GPR107: variants seen among roughly 807,000 people sequenced by gnomAD.
GPR107 encodes protein GPR107.
A neutral mutation model predicts 75.5 loss-of-function variants in GPR107; 31 were observed. The observed-to-expected ratio is 0.41, with a 90% CI of 0.31 to 0.55. The LOEUF is 0.55. Among genes scored for constraint, GPR107 ranks in the 20% least tolerant of loss-of-function variants. The pLI is 0.26. For missense variants in GPR107, 572 were observed against 665.7 expected, an observed-to-expected ratio of 0.86 and a Z score of 1.55; for synonymous variants, 267 against 251.3, an observed-to-expected ratio of 1.06 and a Z score of -0.59.
Position 130,135,349 on chromosome 9 carries a change from A to T in GPR107, c.*228A>T. The T allele has an allele frequency of 2.2e-4, 76 of 345,578 alleles. No homozygotes were observed. Among genetic ancestry groups the T allele is most frequent in the Middle Eastern group, 8.5e-4 (1 of 1,176 alleles). 21.4% of individuals were successfully genotyped at this position (345,578 alleles called of 1,614,324 possible). ...GGATCCTCTTTCAGGCGGGAATGGG[A>T]GGGCGGGCACAGGGAGGAGGAGAGG... On this transcript the variant is annotated 3_prime_UTR_variant, in exon 18 of 18. Transcript: ENST00000347136.
intron 1 of GPR107, among the ~76,000 whole-genome samples, chr9:130,061,927 A>G (rs961690038): frequency 1.3e-5 from 2 of 151,986 alleles, no homozygotes; most frequent in Non-Finnish European, 2.9e-5. Flanking sequence ...CCTGGGTGAC[A>G]GGGTGAGACT....
chr9:130,115,318 C>A (rs549847564), intron 14 of GPR107, among the ~76,000 whole-genome samples: 8 of 152,080 alleles, frequency 5.3e-5, no homozygotes, highest in Non-Finnish European at 1.0e-4. Context: ...ACACACCAGC[C>A]GCATGATGTG....
chr9:130,109,984 C>T (rs557750752), intron 14 of GPR107, among the ~76,000 whole-genome samples: 57 of 152,290 alleles, frequency 3.7e-4, no homozygotes, highest in African/African-American at 1.4e-3. Context: ...GTAAAAATCC[C>T]AAGGGCGGTG....
At chr9:130,082,383 C>T (rs955456734) in intron 5 of GPR107, among the ~76,000 whole-genome samples, 4 of 152,132 alleles carry the variant, frequency 2.6e-5, no homozygotes, top group South Asian at 2.1e-4. Flanking sequence ...CTCATATCAC[C>T]GTTCTCTGGG....
At chr9:130,121,182 CAAAACAAAACAAAA>C (rs767885971) in intron 14 of GPR107, among the ~76,000 whole-genome samples, 273 of 56,858 alleles carry the variant, frequency 4.8e-3, no homozygotes, top group South Asian at 0.011. Context: ...GACCCTATCT[CAAAACAAAACAAAA>C]CAAAACAAAA....
At chr9:130,087,606 T>C (rs1216365794) in intron 7 of GPR107, among the ~76,000 whole-genome samples, 1 of 151,506 alleles carries the variant, frequency 6.6e-6, no homozygotes, top group Non-Finnish European at 1.5e-5. Context: ...TTCAAGACTA[T>C]CCTGGGAAAT....
Position 130,113,213 on chromosome 9 carries a change from C to T in GPR107, c.1306+5674C>T, listed in dbSNP as rs117565085. 5.6e-4 allele frequency among the ~76,000 whole-genome samples: 84 copies of T among 150,846 alleles called. No homozygotes were observed. The East Asian group carries it at 7.8e-3, about 14-fold the overall frequency. On this transcript the variant is annotated intron_variant, in intron 14 of 17. Coordinates refer to ENST00000347136, the MANE Select transcript of GPR107 (RefSeq NM_020960.5). ...AAAACTTGTGTTTATCCCTGTCAGCCTGACAGTTTCCTAACTGACAGTTTC... is the reference window on the plus strand; with the variant it reads ...AAAACTTGTGTTTATCCCTGTCAGCTTGACAGTTTCCTAACTGACAGTTTC...
rs1554899967 is a variant in GPR107, at chr9:130,136,293, A to C, written c.*1172A>C. On this transcript the variant is annotated 3_prime_UTR_variant, in exon 18 of 18. Transcript: ENST00000347136. ...TTCCACACTTCCAGAGCTTGAATGA[A>C]CACAGGTAGCCACCTAAATTGAGCA... 6.6e-6 allele frequency: 1 copy of C among 152,212 alleles called. No individual in the cohort carries two copies. Among genetic ancestry groups the C allele is most frequent in the African/African-American group, 2.4e-5 (1 of 41,460 alleles). The allele number at this position is 152,212 out of a possible 1,614,324, so 9.4% of individuals were successfully genotyped here. A position where few individuals can be genotyped will look rare whatever the true frequency, so the allele number is the denominator to read the frequency against.
Position 130,077,341 on chromosome 9 carries a change from T to G in GPR107, c.349T>G (p.Ser117Ala). 6.3e-7 allele frequency: 1 copy of G among 1,575,600 alleles called. No individual in the cohort carries two copies. Among genetic ancestry groups the G allele is most frequent in the Non-Finnish European group, 8.7e-7 (1 of 1,144,756 alleles). ...CTGTATTTTAAAGAAACAGTCTGTC[T>G]CTGTCACCCTTTTAATCCTAGACAT... The part of the protein sequence containing the change: ...NYCILKKQSV[S>A]VTLLILDISR... The change falls in exon 4 of 18, where the codon TCT becomes GCT. Residue 117 changes from serine (S) to alanine (A), a missense_variant. Transcript: ENST00000347136.
chr9:130,063,073 C>G (rs1829971316), intron 1 of GPR107, among the ~76,000 whole-genome samples: 1 of 152,210 alleles, frequency 6.6e-6, no homozygotes, highest in Non-Finnish European at 1.5e-5. Context: ...TGACTCCTAA[C>G]CTCAGTGTAC....
chr9:130,103,950 A>G lies in GPR107; in HGVS notation c.1132-470A>G, dbSNP rs1564675881. ...ACTTGGGTCTTGTGGTCATAGTCAC[A>G]CCATGGCTGGGAGCATCTTGAAGTC... On this transcript the variant is annotated intron_variant, in intron 12 of 17. Transcript: ENST00000347136. The surrounding 1 kb of genome is among the most constrained non-coding windows in gnomAD (Gnocchi z 4.3). 6.6e-6 allele frequency among the ~76,000 whole-genome samples: 1 copy of G among 152,180 alleles called. No homozygotes were observed.
At chr9:130,106,919 C>T (rs1023075900) in intron 13 of GPR107, among the ~76,000 whole-genome samples, 3 of 152,072 alleles carry the variant, frequency 2.0e-5, no homozygotes, top group South Asian at 2.1e-4. Context: ...CTCTCACCTG[C>T]GGCTCCTGTA....
At chr9:130,072,817 T>A (rs4837451) in intron 1 of GPR107, among the ~76,000 whole-genome samples, 136,971 of 152,140 alleles carry the variant, frequency 0.9, 62,187 homozygotes, top group East Asian at 0.97. Context: ...TAAGTATAAA[T>A]GAAAGCCTAG....
intron 1 of GPR107, among the ~76,000 whole-genome samples, chr9:130,061,992 T>A (rs541667662): frequency 6.6e-6 from 1 of 152,076 alleles, no homozygotes; most frequent in African/African-American, 2.4e-5. Flanking sequence ...AGCTTATGTC[T>A]GGAAGAGGAA....
intron 11 of GPR107, 126 bp from the exon 12 acceptor site, chr9:130,100,979 AT>A: frequency 1.4e-6 from 1 of 711,408 alleles, no homozygotes; most frequent in African/African-American, 1.8e-5. Flanking sequence ...TGTATGATGG[AT>A]TTCCTAAATT....
intron 10 of GPR107, among the ~76,000 whole-genome samples, chr9:130,099,868 C>CTTTTTTTTT (rs71387314): frequency 4.4e-5 from 4 of 90,024 alleles, no homozygotes; most frequent in Non-Finnish European, 6.2e-5. Flanking sequence ...GTTTCCACGA[C>CTTTTTTTTT]TTTTTTTTTT....
intron 1 of GPR107, among the ~76,000 whole-genome samples, chr9:130,070,262 G>C (rs113751845): frequency 0.041 from 6,147 of 150,532 alleles, 417 homozygotes; most frequent in African/African-American, 0.14. Context: ...TTAGCCTCCT[G>C]AGTAGCTAGC....
At chr9:130,064,194 TTTTTTTTTTTTTTTG>T (rs766696959) in intron 1 of GPR107, among the ~76,000 whole-genome samples, 12 of 58,924 alleles carry the variant, frequency 2.0e-4, no homozygotes, top group Non-Finnish European at 3.2e-4. Context: ...TCTTTTTTTT[TTTTTTTTTTTTTTTG>T]AGACGGAGTC....
chr9:130,076,555 T>A, intron 3 of GPR107, 93 bp downstream of exon 3: 1 of 846,880 alleles, frequency 1.2e-6, no homozygotes, highest in Non-Finnish European at 2.0e-6. Context: ...CATTTTCATT[T>A]TTTTTTTGGA....
Sources: allele counts gnomAD v4.1 joint callset (sites outside exome capture counted in the v4.1 genomes callset), GRCh38; gene constraint gnomAD v4.1.1; non-coding constraint Gnocchi (gnomAD v3.1); transcripts MANE v1.5; gene names NCBI Gene and HGNC (gene_info 2026-07-23, HGNC 2026-07-21).